The following RASA3 variants were observed in gnomAD, a reference collection of about 807,000 sequenced individuals.
RASA3 encodes the protein ras GTPase-activating protein 3.
A neutral mutation model predicts 110.0 loss-of-function variants in RASA3; 73 were observed. The ratio of observed to expected loss-of-function variants is 0.66; its 90% CI spans 0.55 to 0.81. RASA3 has a LOEUF of 0.81. Among genes scored for constraint, RASA3 ranks in the 30% least tolerant of loss-of-function variants. The probability of loss-of-function intolerance (pLI) is 0.00; values close to 1 mark genes in which losing one functional copy is unlikely to be tolerated. For synonymous variants in RASA3, 500 were observed against 451.4 expected, an observed-to-expected ratio of 1.11 and a Z score of -1.37; for missense variants, 976 against 1,113.2, an observed-to-expected ratio of 0.88 and a Z score of 1.75.
In RASA3 at chr13:114,013,593, TCC is replaced by T. The variant is rs199947238; in HGVS notation, c.1406-347_1406-346del. Among the ~76,000 whole-genome samples the T allele has an allele frequency of 7.3e-4, 11 of 15,100 alleles. 1 individual carries two copies. In the East Asian group the frequency reaches 0.014, roughly 20 times the overall value. The allele number at this position is 15,100 out of a possible 152,430, so 9.9% of individuals were successfully genotyped here. A position where few individuals can be genotyped will look rare whatever the true frequency, so the allele number is the denominator to read the frequency against. ...CTATCTCTGTCTCTCTCTCTCTCTCTCCGTCTCTGGCTCTCTCCCCCCCTCCA... is the reference window on the plus strand; with the variant it reads ...CTATCTCTGTCTCTCTCTCTCTCTCTGTCTCTGGCTCTCTCCCCCCCTCCA... On this transcript the variant is annotated intron_variant, in intron 14 of 23. Coordinates refer to ENST00000334062, the MANE Select transcript of RASA3 (RefSeq NM_007368.4).
At chr13:113,983,510 A>G (rs577682449) in intron 22 of RASA3, among the ~76,000 whole-genome samples, 27 of 106,198 alleles carry the variant, frequency 2.5e-4, no homozygotes, top group African/African-American at 8.2e-4. Context: ...AAAAGGAACC[A>G]GAACTCAAAG....
Position 113,978,069 on chromosome 13 carries a change from G to A in RASA3, c.*1278C>T, listed in dbSNP as rs1180022288. 6 of 152,252 alleles carry A rather than the reference G, an allele frequency of 3.9e-5. No individual in the cohort carries two copies. Among genetic ancestry groups the A allele is most frequent in the South Asian group, 4.2e-4 (2 of 4,816 alleles). The allele number at this position is 152,252 out of a possible 1,614,324, so 9.4% of individuals were successfully genotyped here. A position where few individuals can be genotyped will look rare whatever the true frequency, so the allele number is the denominator to read the frequency against. On this transcript the variant is annotated 3_prime_UTR_variant, in exon 24 of 24. Coordinates refer to ENST00000334062, the MANE Select transcript of RASA3 (RefSeq NM_007368.4). ...GATACGTCGTGCTGTGTATTTAAAC[G>A]GCGCTTCCCACACACCTGCCGTCTG...
intron 1 of RASA3, among the ~76,000 whole-genome samples, chr13:114,130,246 G>A (rs2139809538): frequency 6.6e-6 from 1 of 152,306 alleles, no homozygotes; most frequent in East Asian, 1.9e-4. Flanking sequence ...CCCTCAGGCA[G>A]CCAGCCCTGC....
intron 14 of RASA3, among the ~76,000 whole-genome samples, chr13:114,013,741 GCTCTCTCTCTCTCTCTCCATCTCTCTGT>G (rs2053707290): frequency 2.1e-5 from 2 of 93,414 alleles, no homozygotes; most frequent in Non-Finnish European, 4.3e-5. Flanking sequence ...TCTGTCTCTG[GCTCTCTCTCTCTCTCTCCATCTCTCTGT>G]CTCTCTCCCT....
rs2080259012 is a variant in RASA3, at chr13:114,114,986, ACCCC to A, written c.55+17445_55+17448del. Among the ~76,000 whole-genome samples, 1 of 138,136 alleles carries A rather than the reference ACCCC, an allele frequency of 7.2e-6. No homozygotes were observed. Among genetic ancestry groups the A allele is most frequent in the African/African-American group, 2.7e-5 (1 of 37,370 alleles). 90.6% of individuals were successfully genotyped at this position (138,136 alleles called of 152,430 possible). On this transcript the variant is annotated intron_variant, in intron 1 of 23. Coordinates refer to ENST00000334062, the MANE Select transcript of RASA3 (RefSeq NM_007368.4). The surrounding 1 kb of genome is among the most constrained non-coding windows in gnomAD (Gnocchi z 4.8). ...GAGATGCTGCAGGTTCCCCAGCCCC[ACCCC>A]CAGCTGTGAGATGCTGCAGGTTCCC...
At chr13:114,131,869 GCA>G (rs2080524963) in intron 1 of RASA3, among the ~76,000 whole-genome samples, 2 of 151,874 alleles carry the variant, frequency 1.3e-5, no homozygotes, top group Non-Finnish European at 2.9e-5. Flanking sequence ...ACAAACACAA[GCA>G]CACACAAACA....
rs554246934 is a variant in RASA3 at position 114,115,621 on chromosome 13, C to T, written c.55+16814G>A. 3.8e-4 allele frequency among the ~76,000 whole-genome samples: 58 copies of T among 152,306 alleles called. No homozygotes were observed. The highest frequency in any genetic ancestry group is 1.3e-3 in the African/African-American group (55 of 41,560). Reference sequence around the variant, plus strand: ...GCAGGCCTCGTGTCCCCCTCGCTGTCGCCTGCCGATTTGGTGGCTCCTCTC... The same window carrying T: ...GCAGGCCTCGTGTCCCCCTCGCTGTTGCCTGCCGATTTGGTGGCTCCTCTC... On this transcript the variant is annotated intron_variant, in intron 1 of 23. Transcript: ENST00000334062. This position sits in a 1 kb window ranked among gnomAD's most constrained non-coding sequence, Gnocchi z 5.0.
At chr13:114,038,747 C>T (rs911834627) in intron 4 of RASA3, among the ~76,000 whole-genome samples, 1 of 151,792 alleles carries the variant, frequency 6.6e-6, no homozygotes, top group Non-Finnish European at 1.5e-5. Flanking sequence ...CGAGGGTTCC[C>T]GAGGGATGAG....
chr13:114,004,094 T>C (rs1566465422), intron 18 of RASA3, among the ~76,000 whole-genome samples: 1 of 152,236 alleles, frequency 6.6e-6, no homozygotes, highest in Admixed American at 6.5e-5. Flanking sequence ...TTAAGTTAAA[T>C]GAAGGTGATT....
At chr13:114,017,419 G>GCAGACGGAGCAGA in intron 11 of RASA3, 68 bp from the exon 12 acceptor site, 1 of 1,251,720 alleles carries the variant, frequency 8.0e-7, no homozygotes, top group South Asian at 1.4e-5. Context: ...AGCAGAGCCT[G>GCAGACGGAGCAGA]GCCCCGAGCA....
chr13:113,997,907 G>A (rs1183869694), intron 20 of RASA3, among the ~76,000 whole-genome samples: 1 of 151,166 alleles, frequency 6.6e-6, no homozygotes, highest in Non-Finnish European at 1.5e-5. Context: ...ATGTGTATAG[G>A]TCTCGGACTG....
At chr13:114,024,726 G>A (rs2053995831) in intron 7 of RASA3, among the ~76,000 whole-genome samples, 1 of 152,244 alleles carries the variant, frequency 6.6e-6, no homozygotes. Context: ...CCGTGGAGAC[G>A]AAGCCAGCGC....
At position 114,096,897 on chromosome 13, in the gene RASA3, A is replaced by G. The variant is rs1037086076; in HGVS notation, c.56-23060T>C. On this transcript the variant is annotated intron_variant, in intron 1 of 23. Coordinates refer to ENST00000334062, the MANE Select transcript of RASA3 (RefSeq NM_007368.4). The surrounding 1 kb of genome is among the most constrained non-coding windows in gnomAD (Gnocchi z 5.1). Reference sequence around the variant, plus strand: ...AGCCAAACGCACTCCGTGTTTGCCAACATGTGCGCCTTTGAACATGCGTTC... The same window carrying G: ...AGCCAAACGCACTCCGTGTTTGCCAGCATGTGCGCCTTTGAACATGCGTTC... 3.9e-5 allele frequency among the ~76,000 whole-genome samples: 6 copies of G among 152,140 alleles called. No individual in the cohort carries two copies. The highest frequency in any genetic ancestry group is 1.4e-4 in the African/African-American group (6 of 41,440).
Position 114,096,774 on chromosome 13 carries a change from A to G in RASA3, c.56-22937T>C, listed in dbSNP as rs986553178. Among the ~76,000 whole-genome samples the G allele has an allele frequency of 6.6e-6, 1 of 152,032 alleles. No individual in the cohort carries two copies. The highest frequency in any genetic ancestry group is 6.5e-5 in the Admixed American group (1 of 15,268). Reference sequence around the variant, plus strand: ...CTCTCCAGCACCCACCGAATGAAGCACTGACCCTTCAGCCAGGCTCTGGAG... The same window carrying G: ...CTCTCCAGCACCCACCGAATGAAGCGCTGACCCTTCAGCCAGGCTCTGGAG... On this transcript the variant is annotated intron_variant, in intron 1 of 23. Transcript: ENST00000334062. The surrounding 1 kb of genome is among the most constrained non-coding windows in gnomAD (Gnocchi z 5.1).
intron 22 of RASA3, among the ~76,000 whole-genome samples, chr13:113,990,429 C>T (rs2053081205): frequency 6.6e-6 from 1 of 152,188 alleles, no homozygotes; most frequent in Non-Finnish European, 1.5e-5. Flanking sequence ...GCAAGCTGAT[C>T]ATGGAGGGCC....
chr13:114,076,074 C>G (rs1200376188), intron 1 of RASA3, among the ~76,000 whole-genome samples: 1 of 152,120 alleles, frequency 6.6e-6, no homozygotes, highest in East Asian at 1.9e-4. Flanking sequence ...CGGAGCAGCT[C>G]TCAGGGTCTC....
intron 21 of RASA3, among the ~76,000 whole-genome samples, chr13:113,994,748 A>G (rs2053194485): frequency 6.6e-6 from 1 of 152,150 alleles, no homozygotes; most frequent in African/African-American, 2.4e-5. Context: ...AAGTGGGAGG[A>G]CTGCTTGAGC....
chr13:114,070,487 A>G (rs1043783465), intron 2 of RASA3, among the ~76,000 whole-genome samples: 2 of 152,080 alleles, frequency 1.3e-5, no homozygotes, highest in Non-Finnish European at 2.9e-5. Flanking sequence ...GGGTTCAAGT[A>G]CCTTTCCTGC....
At chr13:114,005,835 G>A (rs373472620) in intron 18 of RASA3, among the ~76,000 whole-genome samples, 1,113 of 22,574 alleles carry the variant, frequency 0.049, 40 homozygotes, top group Middle Eastern at 0.33. Context: ...CCTGCCGGAC[G>A]CCACCTTACC....
Sources: gnomAD v4.1 joint callset for allele counts (sites outside exome capture counted in the v4.1 genomes callset) on GRCh38, gnomAD v4.1.1 for gene constraint, Gnocchi (gnomAD v3.1) non-coding constraint, MANE v1.5 for transcripts, NCBI Gene and HGNC (gene_info 2026-07-23, HGNC 2026-07-21) for gene names.